CADM1: variants seen among roughly 807,000 people sequenced by gnomAD.
CADM1 encodes TSLC-1.
CADM1 carries 15 observed loss-of-function variants against 53.1 expected under a neutral mutation model. The observed-to-expected ratio is 0.28, with a 90% CI of 0.19 to 0.44. The LOEUF (loss-of-function observed/expected upper bound fraction) is 0.44. Ranked by LOEUF, CADM1 falls within the 20% of genes least tolerant of loss-of-function variation. The pLI, the probability that CADM1 is intolerant of heterozygous loss-of-function variation, is 1.00. For missense variants in CADM1, 434 were observed against 611.3 expected, an observed-to-expected ratio of 0.71 and a Z score of 3.06; for synonymous variants, 281 against 243.0, an observed-to-expected ratio of 1.16 and a Z score of -1.45.
At chr11:115,322,750 T>G (rs1944856640) in intron 1 of CADM1, among the ~76,000 whole-genome samples, 1 of 152,212 alleles carries the variant, frequency 6.6e-6, no homozygotes. Flanking sequence ...TCATTCTGTT[T>G]AATGGTTGCG....
chr11:115,274,458 C>T (rs1943388654), intron 1 of CADM1, among the ~76,000 whole-genome samples: 1 of 152,234 alleles, frequency 6.6e-6, no homozygotes, highest in Non-Finnish European at 1.5e-5. Context: ...AAGTCTACTT[C>T]TTCCCTTGTC....
chr11:115,391,554 AGAG>A (rs1946836814), intron 1 of CADM1, among the ~76,000 whole-genome samples: 1 of 152,250 alleles, frequency 6.6e-6, no homozygotes, highest in South Asian at 2.1e-4. Context: ...GCAAAAGAGA[AGAG>A]GAGGAGGATG....
chr11:115,326,977 T>C (rs1944974892), intron 1 of CADM1, among the ~76,000 whole-genome samples: 1 of 152,184 alleles, frequency 6.6e-6, no homozygotes, highest in Non-Finnish European at 1.5e-5. Context: ...TTGAAGATTG[T>C]ATCTGGATAA....
At chr11:115,411,760 A>G (rs1217577257) in intron 1 of CADM1, among the ~76,000 whole-genome samples, 2 of 151,876 alleles carry the variant, frequency 1.3e-5, no homozygotes, top group African/African-American at 2.4e-5. Context: ...TGGGGCCTCT[A>G]ATTTCAAATA....
chr11:115,193,423 AT>A (rs1591591899), intron 9 of CADM1, among the ~76,000 whole-genome samples: 3 of 152,226 alleles, frequency 2.0e-5, no homozygotes, highest in East Asian at 1.9e-4. Flanking sequence ...GTAATTTAAT[AT>A]ATGCATGATA....
intron 9 of CADM1, among the ~76,000 whole-genome samples, chr11:115,194,784 C>G (rs958061351): frequency 6.6e-6 from 1 of 152,042 alleles, no homozygotes; most frequent in Non-Finnish European, 1.5e-5. Flanking sequence ...ATGCTGTCAC[C>G]CGACCCCTCA....
chr11:115,249,621 T>A (rs1445106717), intron 1 of CADM1, among the ~76,000 whole-genome samples: 1 of 152,216 alleles, frequency 6.6e-6, no homozygotes, highest in Non-Finnish European at 1.5e-5. Context: ...AATATTAGGT[T>A]CTACTGTTCC....
chr11:115,244,112 C>A (rs1942331746), intron 1 of CADM1, among the ~76,000 whole-genome samples: 1 of 152,212 alleles, frequency 6.6e-6, no homozygotes, highest in African/African-American at 2.4e-5. Flanking sequence ...ACTGGAGAGT[C>A]CCATTCGCTT....
At chr11:115,314,157 C>T (rs1944599262) in intron 1 of CADM1, among the ~76,000 whole-genome samples, 1 of 80 alleles carries the variant, frequency 0.013, no homozygotes, top group Non-Finnish European at 0.021. Flanking sequence ...CAAACGCCAC[C>T]ACTATGCTCG....
At chr11:115,308,137 C>G (rs1392926917) in intron 1 of CADM1, among the ~76,000 whole-genome samples, 6 of 105,334 alleles carry the variant, frequency 5.7e-5, no homozygotes, top group African/African-American at 8.9e-5. Context: ...CACAAACTCT[C>G]TCTCTGTGTG....
At chr11:115,248,129 AT>A (rs1345266614) in intron 1 of CADM1, among the ~76,000 whole-genome samples, 1 of 152,188 alleles carries the variant, frequency 6.6e-6, no homozygotes, top group Non-Finnish European at 1.5e-5. Context: ...CTTTGTGTGT[AT>A]TGGTTTTTGA....
chr11:115,440,713 C>A (rs1032373135), intron 1 of CADM1, among the ~76,000 whole-genome samples: 1 of 152,222 alleles, frequency 6.6e-6, no homozygotes, highest in Non-Finnish European at 1.5e-5. Flanking sequence ...TATCCTTGTT[C>A]TTGACATTTT....
chr11:115,395,796 T>A (rs1275873847), intron 1 of CADM1, among the ~76,000 whole-genome samples: 13 of 152,306 alleles, frequency 8.5e-5, no homozygotes, highest in East Asian at 7.7e-4. Context: ...CAACTTTTTT[T>A]AAAAAAGACT....
chr11:115,394,757 C>T (rs1423496011), intron 1 of CADM1, among the ~76,000 whole-genome samples: 2 of 152,110 alleles, frequency 1.3e-5, no homozygotes, highest in Non-Finnish European at 2.9e-5. Context: ...GAAACAGGAG[C>T]TCTGTTGATT....
chr11:115,275,965 A>G (rs1943433414), intron 1 of CADM1, among the ~76,000 whole-genome samples: 1 of 152,232 alleles, frequency 6.6e-6, no homozygotes, highest in Non-Finnish European at 1.5e-5. Context: ...GACTAAGGTT[A>G]ACAGAAGCTT....
rs73583314 is a variant in CADM1 at position 115,473,618 on chromosome 11, A to G, written c.124+30653T>C. ...TAGTCTTTTCAACAAATGCTTCTGA[A>G]ACAAATGAACATTTATAGGCAGAAA... On this transcript the variant is annotated intron_variant, in intron 1 of 11. Coordinates refer to ENST00000331581, the MANE Select transcript of CADM1 (RefSeq NM_001301043.2). 8.8e-3 allele frequency among the ~76,000 whole-genome samples: 1,348 copies of G among 152,346 alleles called. 14 individuals are homozygous for G. Among genetic ancestry groups the G allele is most frequent in the African/African-American group, 0.029 (1,209 of 41,572 alleles).
chr11:115,442,504 G>A (rs1157668618), intron 1 of CADM1, among the ~76,000 whole-genome samples: 1 of 152,090 alleles, frequency 6.6e-6, no homozygotes, highest in Non-Finnish European at 1.5e-5. Flanking sequence ...AGCCAAATCC[G>A]AGAGCTCTTC....
chr11:115,387,230 C>T (rs113715400), intron 1 of CADM1, among the ~76,000 whole-genome samples: 1 of 152,018 alleles, frequency 6.6e-6, no homozygotes, highest in Non-Finnish European at 1.5e-5. Context: ...AGAGATGAAC[C>T]CCATTTGCTA....
chr11:115,268,076 C>T (rs1197015628), intron 1 of CADM1, among the ~76,000 whole-genome samples: 5 of 152,154 alleles, frequency 3.3e-5, no homozygotes, highest in Admixed American at 1.3e-4. Context: ...TAAGTCTTTA[C>T]GAAGAATTGT....
Sources: allele counts gnomAD v4.1 joint callset (sites outside exome capture counted in the v4.1 genomes callset), GRCh38; gene constraint gnomAD v4.1.1; transcripts MANE v1.5; gene names NCBI Gene and HGNC (gene_info 2026-07-23, HGNC 2026-07-21).